Variants in PCDHGA12 observed in about 807,000 individuals in gnomAD.
PCDHGA12 encodes protocadherin gamma-A12.
A neutral mutation model predicts 61.1 loss-of-function variants in PCDHGA12; 43 were observed. The ratio of observed to expected loss-of-function variants is 0.70; its 90% CI spans 0.55 to 0.91. PCDHGA12 has a LOEUF of 0.91. Among genes scored for constraint, PCDHGA12 ranks in the 40% least tolerant of loss-of-function variants. PCDHGA12 has a pLI of 0.00. For synonymous variants in PCDHGA12, 520 were observed against 542.9 expected, an observed-to-expected ratio of 0.96 and a Z score of 0.59; for missense variants, 1,236 against 1,227.7, an observed-to-expected ratio of 1.01 and a Z score of -0.10.
chr5:141,497,239 G>A (rs2099775226), intron 2 of PCDHGA12, among the ~76,000 whole-genome samples: 1 of 152,104 alleles, frequency 6.6e-6, no homozygotes, highest in Admixed American at 6.5e-5. Flanking sequence ...AAGGCTTCTA[G>A]GAGGAGGTGA....
intron 1 of PCDHGA12, chr5:141,475,801 A>G: frequency 3.2e-6 from 1 of 312,546 alleles, no homozygotes. Flanking sequence ...AGGAAGCCAA[A>G]GGAAAGTGAA....
chr5:141,432,367 C>A lies in PCDHGA12; in HGVS notation c.1608C>A (p.Asp536Glu), dbSNP rs2097491556. 6.2e-7 allele frequency: 1 copy of A among 1,614,246 alleles called. No individual in the cohort carries two copies. The highest frequency in any genetic ancestry group is 8.5e-7 in the Non-Finnish European group (1 of 1,180,040). The stretch of plus-strand genomic sequence containing the variant: ...TGCAAGTGAAAGTGATGGCGCGGGA[C>A]AACGGGCACCCGCCCCTCAGCAGCA... ...RDLQVKVMARDNGHPPLSSNV... is the reference protein window; with the variant it reads ...RDLQVKVMARENGHPPLSSNV... The change falls in exon 1 of 4, where the codon GAC becomes GAA. Residue 536 changes from aspartate (D) to glutamate (E), a missense_variant. Transcript: ENST00000252085. This position sits in a 1 kb window ranked among gnomAD's most constrained non-coding sequence, Gnocchi z 6.0.
intron 1 of PCDHGA12, among the ~76,000 whole-genome samples, chr5:141,443,035 CTT>C (rs2098359592): frequency 6.6e-6 from 1 of 152,208 alleles, no homozygotes; most frequent in African/African-American, 2.4e-5. Context: ...CAGACCTAAA[CTT>C]TGAAAATTAT....
chr5:141,489,124 A>C lies in PCDHGA12; in HGVS notation c.2425-5683A>C. The C allele has an allele frequency of 3.6e-6, 2 of 556,652 alleles. No individual in the cohort carries two copies. Among genetic ancestry groups the C allele is most frequent in the South Asian group, 3.3e-5 (1 of 30,014 alleles). The allele number at this position is 556,652 out of a possible 1,614,324, so 34.5% of individuals were successfully genotyped here. On this transcript the variant is annotated intron_variant, in intron 1 of 3. Transcript: ENST00000252085. The surrounding 1 kb of genome is among the most constrained non-coding windows in gnomAD (Gnocchi z 4.5). ...GCTGCAAGCAGGCAAACCTCCGAGC[A>C]GTTTTTAAGAGGCTGGAAGGAGACA...
chr5:141,434,992 C>A (rs2097735368), intron 1 of PCDHGA12, among the ~76,000 whole-genome samples: 1 of 151,902 alleles, frequency 6.6e-6, no homozygotes, highest in Non-Finnish European at 1.5e-5. Context: ...ATATCATTTT[C>A]TAGCTGAATT....
chr5:141,455,494 T>C (rs1223531150), intron 1 of PCDHGA12, among the ~76,000 whole-genome samples: 2 of 152,214 alleles, frequency 1.3e-5, no homozygotes, highest in African/African-American at 4.8e-5. Context: ...AGGTGATGTC[T>C]GATTTGCATA....
Position 141,489,623 on chromosome 5 carries a change from A to T in PCDHGA12, c.2425-5184A>T, listed in dbSNP as rs924162827. On this transcript the variant is annotated intron_variant, in intron 1 of 3. Coordinates refer to ENST00000252085, the MANE Select transcript of PCDHGA12 (RefSeq NM_003735.3). This position sits in a 1 kb window ranked among gnomAD's most constrained non-coding sequence, Gnocchi z 4.5. ...GAGGTAGAGATCCTGGATCTCAATG[A>T]CAACTCTCCTAGCTTTGCCACCCCT... is the stretch of plus-strand genomic sequence containing the variant. The T allele has an allele frequency of 6.2e-7, 1 of 1,614,102 alleles. No homozygotes were observed. Among genetic ancestry groups the T allele is most frequent in the Non-Finnish European group, 8.5e-7 (1 of 1,179,996 alleles).
intron 1 of PCDHGA12, among the ~76,000 whole-genome samples, chr5:141,472,280 A>G (rs988007394): frequency 6.6e-6 from 1 of 152,276 alleles, no homozygotes; most frequent in African/African-American, 2.4e-5. Context: ...AGTGGCTCAC[A>G]CCTGTAATCC....
At position 141,476,518 on chromosome 5, in the gene PCDHGA12, T is replaced by C; in HGVS notation, c.2425-18289T>C. 1 of 1,614,214 alleles carries C rather than the reference T, an allele frequency of 6.2e-7. No individual in the cohort carries two copies. Among genetic ancestry groups the C allele is most frequent in the Non-Finnish European group, 8.5e-7 (1 of 1,180,038 alleles). ...AGGACATCAACGACAACAATCCTGC[T>C]TTCCCTACCCAGGAAATGAAATTGG... is the stretch of plus-strand genomic sequence containing the variant. On this transcript the variant is annotated intron_variant, in intron 1 of 3. Transcript: ENST00000252085. This position sits in a 1 kb window ranked among gnomAD's most constrained non-coding sequence, Gnocchi z 7.6.
At chr5:141,498,947 AAAAG>A (rs1475471777) in intron 2 of PCDHGA12, among the ~76,000 whole-genome samples, 1 of 145,446 alleles carries the variant, frequency 6.9e-6, no homozygotes, top group African/African-American at 2.6e-5. Context: ...GAAAGAAAGA[AAAAG>A]AGAGAGAGGG....
chr5:141,465,519 T>C (rs2099104752), intron 1 of PCDHGA12, among the ~76,000 whole-genome samples: 1 of 152,224 alleles, frequency 6.6e-6, no homozygotes, highest in East Asian at 1.9e-4. Context: ...GGAAGGATTC[T>C]GGGGAAGTTT....
Position 141,489,384 on chromosome 5 carries a change from T to C in PCDHGA12, c.2425-5423T>C, listed in dbSNP as rs2099686499. The stretch of plus-strand genomic sequence containing the variant: ...AGCCGGGGACGCTGGTGGGGAATGT[T>C]GCTCAGGATCTGGGCTTAAAGATGA... On this transcript the variant is annotated intron_variant, in intron 1 of 3. Transcript: ENST00000252085. The surrounding 1 kb of genome is among the most constrained non-coding windows in gnomAD (Gnocchi z 4.5). 1 of 1,613,986 alleles carries C rather than the reference T, an allele frequency of 6.2e-7. No individual in the cohort carries two copies. The highest frequency in any genetic ancestry group is 8.5e-7 in the Non-Finnish European group (1 of 1,179,842).
In PCDHGA12 at chr5:141,430,580, G is replaced by A; in HGVS notation, c.-180G>A. On this transcript the variant is annotated 5_prime_UTR_variant, in exon 1 of 4. Coordinates refer to ENST00000252085, the MANE Select transcript of PCDHGA12 (RefSeq NM_003735.3). ...TCGGGGAGAGAAAAGCGGAGATCCTGCTCGCCTTGCACGCGCCTGAAGCAC... is the reference window on the plus strand; with the variant it reads ...TCGGGGAGAGAAAAGCGGAGATCCTACTCGCCTTGCACGCGCCTGAAGCAC... 1 of 478,526 alleles carries A rather than the reference G, an allele frequency of 2.1e-6. No homozygotes were observed. The highest frequency in any genetic ancestry group is 3.8e-5 in the Admixed American group (1 of 26,398). The allele number at this position is 478,526 out of a possible 1,614,324, so 29.6% of individuals were successfully genotyped here. A position where few individuals can be genotyped will look rare whatever the true frequency, so the allele number is the denominator to read the frequency against.
rs2154594676 is a variant in PCDHGA12, at chr5:141,511,333, G to A, written c.*160G>A. 6.9e-7 allele frequency: 1 copy of A among 1,441,948 alleles called. No homozygotes were observed. Among genetic ancestry groups the A allele is most frequent in the Non-Finnish European group, 9.2e-7 (1 of 1,085,894 alleles). The allele number at this position is 1,441,948 out of a possible 1,614,324, so 89.3% of individuals were successfully genotyped here. On this transcript the variant is annotated 3_prime_UTR_variant, in exon 4 of 4. Transcript: ENST00000252085. Reference sequence around the variant, plus strand: ...GGAAACAGAAACAAGTGCCCAGTCAGCACCTACCCCTTCCCCCCCAGGGGG... The same window carrying A: ...GGAAACAGAAACAAGTGCCCAGTCAACACCTACCCCTTCCCCCCCAGGGGG...
At chr5:141,457,524 G>A (rs1427291573) in intron 1 of PCDHGA12, among the ~76,000 whole-genome samples, 1 of 152,188 alleles carries the variant, frequency 6.6e-6, no homozygotes, top group African/African-American at 2.4e-5. Context: ...CAATTAATGA[G>A]ACTAGGGTTT....
At chr5:141,492,063 C>T in intron 1 of PCDHGA12, 1 of 481,160 alleles carries the variant, frequency 2.1e-6, no homozygotes, top group African/African-American at 2.0e-5. Flanking sequence ...CAGCCAGCCT[C>T]CTAGGCGCCG....
rs951029522 is a variant in PCDHGA12, at chr5:141,487,944, G to A, written c.2425-6863G>A. 6.6e-6 allele frequency among the ~76,000 whole-genome samples: 1 copy of A among 152,164 alleles called. No homozygotes were observed. Among genetic ancestry groups the A allele is most frequent in the Admixed American group, 6.5e-5 (1 of 15,282 alleles). On this transcript the variant is annotated intron_variant, in intron 1 of 3. Transcript: ENST00000252085. The surrounding 1 kb of genome is among the most constrained non-coding windows in gnomAD (Gnocchi z 5.0). ...ACAGTGCACAGGGTACAGTGCACCA[G>A]GCAGTCACTTGGACAAAGGTGGCTG...
At chr5:141,496,076 C>A (rs2099765713) in intron 2 of PCDHGA12, among the ~76,000 whole-genome samples, 1 of 152,010 alleles carries the variant, frequency 6.6e-6, no homozygotes, top group Non-Finnish European at 1.5e-5. Context: ...GCACACACAA[C>A]CCCCCACCCA....
chr5:141,484,940 G>C, intron 1 of PCDHGA12: 1 of 541,138 alleles, frequency 1.8e-6, no homozygotes, highest in Non-Finnish European at 3.3e-6. Flanking sequence ...GACGTTCTCT[G>C]CTCAGCCTAT....
Sources: gnomAD v4.1 joint callset for allele counts (sites outside exome capture counted in the v4.1 genomes callset) on GRCh38, gnomAD v4.1.1 for gene constraint, Gnocchi (gnomAD v3.1) non-coding constraint, MANE v1.5 for transcripts, NCBI Gene and HGNC (gene_info 2026-07-23, HGNC 2026-07-21) for gene names.